MCPH1: variants seen among roughly 807,000 people sequenced by gnomAD.
The protein encoded by MCPH1 is microcephalin 1.
Under a neutral mutation model 84.5 loss-of-function variants are expected in MCPH1, and 104 were observed. That is an observed-to-expected ratio of 1.23 (90% CI 1.05 to 1.45). The LOEUF is 1.45. Among genes scored for constraint, MCPH1 ranks in the 40% most tolerant of loss-of-function variants. MCPH1 has a pLI of 0.00. For missense variants in MCPH1, 1,498 were observed against 1,005.7 expected (o/e 1.49, Z -6.62); for synonymous variants, 514 against 366.8 (o/e 1.40, Z -4.58).
intron 4 of MCPH1, among the ~76,000 whole-genome samples, chr8:6,433,356 G>C (rs1003703650): frequency 6.6e-6 from 1 of 152,152 alleles, no homozygotes; most frequent in African/African-American, 2.4e-5. Flanking sequence ...TTCTTGGCCA[G>C]ATACAGTGGC....
chr8:6,449,283 C>A (rs1804793739), intron 8 of MCPH1, among the ~76,000 whole-genome samples: 1 of 152,116 alleles, frequency 6.6e-6, no homozygotes. Context: ...AGATTCATCA[C>A]TTGCAATTGA....
intron 12 of MCPH1, among the ~76,000 whole-genome samples, chr8:6,534,517 C>T (rs1001698004): frequency 2.0e-5 from 3 of 152,098 alleles, no homozygotes; most frequent in African/African-American, 7.2e-5. Flanking sequence ...CATCCACCCG[C>T]CTCAGCCCCC....
intron 12 of MCPH1, chr8:6,500,733 T>G (rs1812003403): frequency 6.6e-6 from 1 of 152,232 alleles, no homozygotes; most frequent in Admixed American, 6.5e-5. Flanking sequence ...CAAAAGCTCC[T>G]CTCAGCAAAA....
At chr8:6,412,647 G>A (rs370610600) in intron 2 of MCPH1, among the ~76,000 whole-genome samples, 8 of 152,104 alleles carry the variant, frequency 5.3e-5, no homozygotes, top group African/African-American at 1.7e-4. Flanking sequence ...GTCTCTTTGA[G>A]GCTTCTCAAT....
intron 8 of MCPH1, among the ~76,000 whole-genome samples, chr8:6,449,283 C>CT (rs1804794041): frequency 6.6e-6 from 1 of 152,116 alleles, no homozygotes; most frequent in South Asian, 2.1e-4. Context: ...AGATTCATCA[C>CT]TTGCAATTGA....
At chr8:6,487,794 A>G (rs538228563) in intron 11 of MCPH1, among the ~76,000 whole-genome samples, 2 of 152,324 alleles carry the variant, frequency 1.3e-5, no homozygotes, top group Admixed American at 1.3e-4. Context: ...AAAGGACTTT[A>G]TACTTCACAG....
At chr8:6,448,714 G>A (rs1804718438) in intron 8 of MCPH1, among the ~76,000 whole-genome samples, 1 of 152,076 alleles carries the variant, frequency 6.6e-6, no homozygotes, top group African/African-American at 2.4e-5. Flanking sequence ...CTTAAAAATT[G>A]CTTTTTACAA....
At position 6,552,891 on chromosome 8, in the gene MCPH1, A is replaced by T. The variant is rs920209859; in HGVS notation, c.2214+52962A>T. 4.6e-5 allele frequency among the ~76,000 whole-genome samples: 7 copies of T among 152,080 alleles called. No individual in the cohort carries two copies. In the South Asian group the frequency reaches 1.2e-3, roughly 27 times the overall value. On this transcript the variant is annotated intron_variant, in intron 12 of 13. Coordinates refer to ENST00000344683, the MANE Select transcript of MCPH1 (RefSeq NM_024596.5). ...CTGTATATTTTATGATTCCAACTGT[A>T]TGACATTCTGGAAAAGGGAAAACTG...
chr8:6,576,611 G>T (rs371271964), intron 12 of MCPH1, among the ~76,000 whole-genome samples: 1 of 143,702 alleles, frequency 7.0e-6, no homozygotes, highest in Admixed American at 7.2e-5. Context: ...CGGGTCAAGC[G>T]ATTCTTCTGC....
chr8:6,427,819 G>A (rs1191659090), intron 3 of MCPH1, among the ~76,000 whole-genome samples: 1 of 149,094 alleles, frequency 6.7e-6, no homozygotes, highest in Admixed American at 6.7e-5. Flanking sequence ...TTGAAACGGA[G>A]TGTCGCTCTG....
At chr8:6,539,916 A>G (rs962873109) in intron 12 of MCPH1, among the ~76,000 whole-genome samples, 1 of 152,202 alleles carries the variant, frequency 6.6e-6, no homozygotes, top group African/African-American at 2.4e-5. Context: ...ACTATCTGAT[A>G]CTGTATCTAG....
Position 6,640,097 on chromosome 8 carries a change from T to TGTGC in MCPH1, c.2453-2896_2453-2895insTGCG, listed in dbSNP as rs1242280817. ...GTGTGTGTGTGTGTGTGTGTGTGTG[T>TGTGC]GCGCGCGCGTGTGTGTGTGTGTGCG... On this transcript the variant is annotated intron_variant, in intron 13 of 13. Coordinates refer to ENST00000344683, the MANE Select transcript of MCPH1 (RefSeq NM_024596.5). Among the ~76,000 whole-genome samples, 973 of 131,398 alleles carry TGTGC rather than the reference T, an allele frequency of 7.4e-3. 5 individuals are homozygous for TGTGC. Among genetic ancestry groups the TGTGC allele is most frequent in the South Asian group, 0.024 (95 of 4,034 alleles). The allele number at this position is 131,398 out of a possible 152,430, so 86.2% of individuals were successfully genotyped here.
chr8:6,517,125 A>G (rs974762287), intron 12 of MCPH1, among the ~76,000 whole-genome samples: 1 of 152,248 alleles, frequency 6.6e-6, no homozygotes, highest in Non-Finnish European at 1.5e-5. Context: ...GATACTGAGT[A>G]AAAGTGCTGA....
rs1322094219 is a variant in MCPH1 at position 6,445,536 on chromosome 8, G to A, written c.1814G>A (p.Gly605Glu). ...STEEKENLPG[G>E]YSGSVKNRPT... ...GAAGAGAAGGAAAACTTACCCGGAG[G>A]ATACAGTGGAAGTATGTGAATCTCC... is the stretch of plus-strand genomic sequence containing the variant. Residue 605 changes from glycine to glutamate, a missense_variant, in exon 8 of 14, where the codon GGA becomes GAA. Transcript: ENST00000344683. 2 of 1,600,522 alleles carry A rather than the reference G, an allele frequency of 1.2e-6. No homozygotes were observed. The highest frequency in any genetic ancestry group is 1.1e-5 in the South Asian group (1 of 88,290).
chr8:6,406,954 C>G (rs1797806293), intron 1 of MCPH1: 8 of 541,292 alleles, frequency 1.5e-5, no homozygotes, highest in South Asian at 1.3e-4. Flanking sequence ...CCCCCAAACC[C>G]CCGACTGCCT....
intron 13 of MCPH1, among the ~76,000 whole-genome samples, chr8:6,622,769 G>A (rs1030218984): frequency 6.6e-6 from 1 of 152,176 alleles, no homozygotes; most frequent in African/African-American, 2.4e-5. Flanking sequence ...CTCTGTGTGT[G>A]TCCAAATGTT....
chr8:6,463,762 T>C (rs1340213500), intron 9 of MCPH1, among the ~76,000 whole-genome samples: 1 of 152,242 alleles, frequency 6.6e-6, no homozygotes, highest in African/African-American at 2.4e-5. Context: ...TGGCGTTTCC[T>C]GTCCTTCAAG....
At chr8:6,457,315 A>G (rs1015169503) in intron 9 of MCPH1, among the ~76,000 whole-genome samples, 2 of 151,740 alleles carry the variant, frequency 1.3e-5, no homozygotes, top group African/African-American at 4.9e-5. Flanking sequence ...TTTCTGGGCC[A>G]GTCATGGTGG....
chr8:6,499,417 C>G (rs1382126940), intron 11 of MCPH1, among the ~76,000 whole-genome samples: 1 of 152,132 alleles, frequency 6.6e-6, no homozygotes, highest in Non-Finnish European at 1.5e-5. Context: ...AACAAAGTCA[C>G]AAGCCAAAGG....
Sources: gnomAD v4.1 joint callset for allele counts (sites outside exome capture counted in the v4.1 genomes callset) on GRCh38, gnomAD v4.1.1 for gene constraint, MANE v1.5 for transcripts, NCBI Gene and HGNC (gene_info 2026-07-23, HGNC 2026-07-21) for gene names.